CYP7B1: variants seen among roughly 807,000 people sequenced by gnomAD.
The protein encoded by CYP7B1 is cytochrome P450 family 7 subfamily B member 1, also known as cytochrome P450 7B1.
In CYP7B1, 29 loss-of-function variants were observed where a neutral mutation model predicts 42.7. The ratio of observed to expected loss-of-function variants is 0.68; its 90% CI spans 0.51 to 0.93. CYP7B1 has a LOEUF of 0.93. CYP7B1 is among the 40% of genes least tolerant of loss of function. CYP7B1 has a pLI of 0.00. For synonymous variants in CYP7B1, 235 were observed against 218.2 expected (o/e 1.08, Z -0.68); for missense variants, 655 against 600.5 (o/e 1.09, Z -0.95).
At chr8:64,630,070 T>C (rs760471047) in intron 1 of CYP7B1, among the ~76,000 whole-genome samples, 5 of 152,062 alleles carry the variant, frequency 3.3e-5, no homozygotes, top group Non-Finnish European at 7.4e-5. Flanking sequence ...CCCAAAGATA[T>C]CTGAGAAGGC....
intron 1 of CYP7B1, among the ~76,000 whole-genome samples, chr8:64,728,714 A>C (rs901551640): frequency 6.6e-6 from 1 of 152,214 alleles, no homozygotes. Flanking sequence ...GTTAAGAAAA[A>C]CTCAAGAGAA....
intron 1 of CYP7B1, among the ~76,000 whole-genome samples, chr8:64,734,654 G>T (rs1807460834): frequency 6.6e-6 from 1 of 152,146 alleles, no homozygotes; most frequent in Non-Finnish European, 1.5e-5. Flanking sequence ...GATCCCCAGT[G>T]CCTAGTCCTA....
chr8:64,629,226 C>CAAAAAAAAAAAAAAAAA (rs10717028), intron 1 of CYP7B1, among the ~76,000 whole-genome samples: 1 of 72,534 alleles, frequency 1.4e-5, no homozygotes, highest in African/African-American at 5.0e-5. Flanking sequence ...GAATCCATCT[C>CAAAAAAAAAAAAAAAAA]AAAAAAAAAA....
chr8:64,702,656 C>G (rs1170897662), intron 1 of CYP7B1, among the ~76,000 whole-genome samples: 1 of 152,064 alleles, frequency 6.6e-6, no homozygotes, highest in Non-Finnish European at 1.5e-5. Context: ...CCTTGACTGA[C>G]AAGCGCGCTT....
chr8:64,659,965 T>C (rs1806177773), intron 1 of CYP7B1, among the ~76,000 whole-genome samples: 2 of 152,162 alleles, frequency 1.3e-5, no homozygotes, highest in Admixed American at 1.3e-4. Flanking sequence ...GACTAAAGTA[T>C]AAAACCCTAG....
At chr8:64,731,300 G>C (rs966731106) in intron 1 of CYP7B1, among the ~76,000 whole-genome samples, 2 of 152,102 alleles carry the variant, frequency 1.3e-5, no homozygotes, top group African/African-American at 2.4e-5. Context: ...GGAACTTCCT[G>C]GTCTCAGATG....
At chr8:64,698,019 A>G (rs1563395958) in intron 1 of CYP7B1, among the ~76,000 whole-genome samples, 1 of 152,384 alleles carries the variant, frequency 6.6e-6, no homozygotes, top group East Asian at 1.9e-4. Context: ...ACCTTAGTCC[A>G]TGGCCTTGTA....
intron 1 of CYP7B1, among the ~76,000 whole-genome samples, chr8:64,674,151 T>G (rs1806408392): frequency 1.3e-5 from 2 of 152,138 alleles, no homozygotes; most frequent in Admixed American, 1.3e-4. Flanking sequence ...AATTAAGTCT[T>G]ACTAGGAAGA....
At chr8:64,739,699 AC>A (rs1307356734) in intron 1 of CYP7B1, among the ~76,000 whole-genome samples, 4 of 152,246 alleles carry the variant, frequency 2.6e-5, no homozygotes, top group Admixed American at 1.3e-4. Flanking sequence ...ACATGAAATA[AC>A]ATACACAGAA....
rs936924770 is a variant in CYP7B1, at chr8:64,730,339, G to A, written c.122+68127C>T. ...CCCTCCTCAGGCTCCCAGAGTGCTA[G>A]GATTACAGGCATGAGCCACTGTGCC... On this transcript the variant is annotated intron_variant, in intron 1 of 5. Transcript: ENST00000310193. Among the ~76,000 whole-genome samples the A allele has an allele frequency of 2.0e-5, 3 of 152,048 alleles. No individual in the cohort carries two copies. The South Asian group carries it at 6.2e-4, about 32-fold the overall frequency.
At chr8:64,598,060 G>A (rs1805145125) in intron 5 of CYP7B1, among the ~76,000 whole-genome samples, 1 of 152,058 alleles carries the variant, frequency 6.6e-6, no homozygotes, top group African/African-American at 2.4e-5. Flanking sequence ...AAACTATTAG[G>A]TTTGTCCTCA....
intron 1 of CYP7B1, among the ~76,000 whole-genome samples, chr8:64,710,508 C>T (rs1268067996): frequency 1.3e-5 from 2 of 152,112 alleles, no homozygotes; most frequent in Non-Finnish European, 2.9e-5. Flanking sequence ...TACCAGGTAC[C>T]ATATTTGACA....
At chr8:64,683,006 A>T (rs1806562576) in intron 1 of CYP7B1, among the ~76,000 whole-genome samples, 1 of 152,136 alleles carries the variant, frequency 6.6e-6, no homozygotes, top group South Asian at 2.1e-4. Flanking sequence ...CTCACAACCC[A>T]CGTATAACAT....
At chr8:64,682,190 T>C (rs756508430) in intron 1 of CYP7B1, among the ~76,000 whole-genome samples, 23 of 152,058 alleles carry the variant, frequency 1.5e-4, no homozygotes, top group Non-Finnish European at 2.9e-4. Context: ...TAACTAGAAA[T>C]GAGGAAGTAG....
chr8:64,770,684 G>C (rs927658188), intron 1 of CYP7B1, among the ~76,000 whole-genome samples: 1 of 152,164 alleles, frequency 6.6e-6, no homozygotes, highest in Non-Finnish European at 1.5e-5. Context: ...CCATTCCTTG[G>C]TGCTCAAGAG....
chr8:64,772,783 G>T (rs780762262), intron 1 of CYP7B1, among the ~76,000 whole-genome samples: 94 of 152,064 alleles, frequency 6.2e-4, no homozygotes, highest in Non-Finnish European at 1.2e-3. Flanking sequence ...CCTCACAATG[G>T]TCTGATTTTC....
intron 1 of CYP7B1, among the ~76,000 whole-genome samples, chr8:64,690,889 G>T (rs1441315175): frequency 3.9e-5 from 6 of 152,120 alleles, no homozygotes; most frequent in Non-Finnish European, 1.5e-5. Context: ...TCAGTTTTAT[G>T]CCTTCCAGTA....
chr8:64,633,403 A>G (rs1805725672), intron 1 of CYP7B1, among the ~76,000 whole-genome samples: 1 of 152,194 alleles, frequency 6.6e-6, no homozygotes, highest in South Asian at 2.1e-4. Context: ...TACTACAGTA[A>G]AGTTGCAAGG....
At chr8:64,611,687 A>G (rs776121100) in intron 4 of CYP7B1, among the ~76,000 whole-genome samples, 4 of 152,134 alleles carry the variant, frequency 2.6e-5, no homozygotes, top group Non-Finnish European at 5.9e-5. Flanking sequence ...CACCTGGACC[A>G]TGTTTGCAAC....
Sources: gnomAD v4.1 joint callset for allele counts (sites outside exome capture counted in the v4.1 genomes callset) on GRCh38, gnomAD v4.1.1 for gene constraint, MANE v1.5 for transcripts, NCBI Gene and HGNC (gene_info 2026-07-23, HGNC 2026-07-21) for gene names.